The following C1QTNF3 variants were observed in gnomAD, a reference collection of about 807,000 sequenced individuals.
C1QTNF3 encodes complement C1q tumor necrosis factor-related protein 3.
In C1QTNF3, 26 loss-of-function variants were observed where a neutral mutation model predicts 32.6. That is an observed-to-expected ratio of 0.80 (90% CI 0.58 to 1.11). C1QTNF3 has a LOEUF of 1.11. Ranked by LOEUF, C1QTNF3 falls within the 50% of genes least tolerant of loss-of-function variation. The pLI is 0.00. For missense variants in C1QTNF3, 362 were observed against 398.2 expected, an observed-to-expected ratio of 0.91 and a Z score of 0.77; for synonymous variants, 155 against 146.0, an observed-to-expected ratio of 1.06 and a Z score of -0.44.
the C1QTNF3 span, among the ~76,000 whole-genome samples, chr5:34,161,056 A>G: frequency 2.0e-5 from 3 of 152,178 alleles, no homozygotes; most frequent in East Asian, 1.9e-4. Context: ...GACAAGGCCA[A>G]TTCTCTGGAG....
chr5:34,056,001 C>T, the C1QTNF3 span, among the ~76,000 whole-genome samples: 9 of 152,180 alleles, frequency 5.9e-5, no homozygotes, highest in Non-Finnish European at 1.0e-4. Flanking sequence ...CTTTAAGATG[C>T]ATCACCTACC....
At position 34,035,731 on chromosome 5, in the gene C1QTNF3, C is replaced by G. The variant is rs1421088483; in HGVS notation, c.331G>C (p.Asp111His). Reference sequence around the variant, plus strand: ...TCTCCATGACAACACTTACTGCAGTCTGGGGGTAGTCCTCCGGTTTGTGGA... The same window carrying G: ...TCTCCATGACAACACTTACTGCAGTGTGGGGGTAGTCCTCCGGTTTGTGGA... ...QSPQTGGLPP[D>H]CSKCCHGDYS... Residue 111 changes from aspartate to histidine, a missense_variant, in exon 2 of 6, where the codon GAC becomes CAC. Transcript: ENST00000382065. 4 of 1,612,990 alleles carry G rather than the reference C, an allele frequency of 2.5e-6. No homozygotes were observed. The highest frequency in any genetic ancestry group is 2.2e-5 in the East Asian group (1 of 44,852).
At chr5:34,210,868 GTA>G in the C1QTNF3 span, among the ~76,000 whole-genome samples, 1 of 151,996 alleles carries the variant, frequency 6.6e-6, no homozygotes, top group Non-Finnish European at 1.5e-5. Context: ...GTTACAGAAT[GTA>G]TAACAATATA....
chr5:34,217,147 G>A, the C1QTNF3 span, among the ~76,000 whole-genome samples: 1 of 152,194 alleles, frequency 6.6e-6, no homozygotes, highest in East Asian at 1.9e-4. Flanking sequence ...TTCATGCATA[G>A]TCTGCAACCT....
chr5:34,098,831 T>A, the C1QTNF3 span, among the ~76,000 whole-genome samples: 1 of 152,072 alleles, frequency 6.6e-6, no homozygotes, highest in Non-Finnish European at 1.5e-5. Context: ...ATAACGTGTC[T>A]GCTGGTTTTG....
the C1QTNF3 span, among the ~76,000 whole-genome samples, chr5:34,153,856 A>T: frequency 0.15 from 4,933 of 32,516 alleles, 164 homozygotes; most frequent in African/African-American, 0.3. Context: ...TAGAGTATAA[A>T]AAAAAAAAAA....
At chr5:34,163,591 A>G in the C1QTNF3 span, among the ~76,000 whole-genome samples, 1 of 152,124 alleles carries the variant, frequency 6.6e-6, no homozygotes, top group East Asian at 1.9e-4. Flanking sequence ...GAAGCAACAT[A>G]TATGTTGTTG....
the C1QTNF3 span, among the ~76,000 whole-genome samples, chr5:34,057,108 T>C: frequency 6.6e-6 from 1 of 152,162 alleles, no homozygotes; most frequent in East Asian, 1.9e-4. Context: ...TCCATCAACG[T>C]ATTTTCCTCT....
the C1QTNF3 span, among the ~76,000 whole-genome samples, chr5:34,141,431 T>G: frequency 6.6e-6 from 1 of 152,196 alleles, no homozygotes; most frequent in African/African-American, 2.4e-5. Context: ...GGTTGGCTCC[T>G]TCTAAGGGCT....
At chr5:34,215,867 A>C in the C1QTNF3 span, among the ~76,000 whole-genome samples, 1 of 152,168 alleles carries the variant, frequency 6.6e-6, no homozygotes, top group Non-Finnish European at 1.5e-5. Context: ...TCTTTGCCCC[A>C]AGCAATCCTC....
rs755392798 is a variant in C1QTNF3, at chr5:34,042,841, G to A, written c.285C>T (p.Ile95=). 3.7e-6 allele frequency: 6 copies of A among 1,613,586 alleles called. No homozygotes were observed. Among genetic ancestry groups the A allele is most frequent in the Non-Finnish European group, 5.1e-6 (6 of 1,179,588 alleles). Residue 95 remains isoleucine (I), a synonymous_variant, in exon 1 of 6, where the codon ATC becomes ATT. Transcript: ENST00000382065. The part of the protein sequence containing the change: ...PHPEVDDLAQ[I]TTFWGQSPQT... ...TGAGTACCTGGCCCCAGAATGTGGTGATCTGGGCTAGGTCATCTACCTCGG... is the reference window on the plus strand; with the variant it reads ...TGAGTACCTGGCCCCAGAATGTGGTAATCTGGGCTAGGTCATCTACCTCGG...
chr5:34,127,884 T>C, the C1QTNF3 span, among the ~76,000 whole-genome samples: 1 of 151,770 alleles, frequency 6.6e-6, no homozygotes, highest in African/African-American at 2.4e-5. Context: ...GTTAAAAAAA[T>C]AAAAACCCAT....
At chr5:34,137,981 A>G in the C1QTNF3 span, among the ~76,000 whole-genome samples, 1 of 152,242 alleles carries the variant, frequency 6.6e-6, no homozygotes, top group Non-Finnish European at 1.5e-5. Context: ...ATGAGTTCTA[A>G]TCCAATATAT....
the C1QTNF3 span, among the ~76,000 whole-genome samples, chr5:34,177,706 C>T: frequency 1.3e-5 from 2 of 151,602 alleles, no homozygotes; most frequent in South Asian, 2.1e-4. Context: ...TCAAGCTGGA[C>T]TTGAACTCTT....
At chr5:34,134,602 A>G in the C1QTNF3 span, among the ~76,000 whole-genome samples, 1 of 152,148 alleles carries the variant, frequency 6.6e-6, no homozygotes, top group African/African-American at 2.4e-5. Flanking sequence ...AGCGAAGTAC[A>G]ATACAGAAAG....
intron 2 of C1QTNF3, 92 bp downstream of exon 2, chr5:34,035,555 C>A: frequency 1.1e-6 from 1 of 945,494 alleles, no homozygotes. Context: ...TTGGATCACA[C>A]AGAAGTGATC....
chr5:34,239,304 A>G, the C1QTNF3 span: 1 of 152,156 alleles, frequency 6.6e-6, no homozygotes, highest in Non-Finnish European at 1.5e-5. Flanking sequence ...CATTAACCAT[A>G]AATGTAAATA....
the C1QTNF3 span, among the ~76,000 whole-genome samples, chr5:34,142,732 C>A: frequency 6.6e-6 from 1 of 152,324 alleles, no homozygotes. Flanking sequence ...CAAATAAAGA[C>A]CTTGTACGGA....
At chr5:34,174,617 C>T in the C1QTNF3 span, among the ~76,000 whole-genome samples, 1 of 152,178 alleles carries the variant, frequency 6.6e-6, no homozygotes, top group South Asian at 2.1e-4. Context: ...TATCCTTCTC[C>T]AACCAACCAA....
Sources: gnomAD v4.1 joint callset for allele counts (sites outside exome capture counted in the v4.1 genomes callset) on GRCh38, gnomAD v4.1.1 for gene constraint, MANE v1.5 for transcripts, NCBI Gene and HGNC (gene_info 2026-07-23, HGNC 2026-07-21) for gene names.